Variants in DLG2 observed in about 807,000 individuals in gnomAD.
The protein encoded by DLG2 is discs large MAGUK scaffold protein 2.
A neutral mutation model predicts 132.5 loss-of-function variants in DLG2; 45 were observed. The ratio of observed to expected loss-of-function variants is 0.34; its 90% CI spans 0.27 to 0.44. DLG2 has a LOEUF of 0.44. Among genes scored for constraint, DLG2 ranks in the 20% least tolerant of loss-of-function variants. The probability of loss-of-function intolerance (pLI) is 1.00; values close to 1 mark genes in which losing one functional copy is unlikely to be tolerated. For missense variants in DLG2, 1,045 were observed against 1,196.9 expected (o/e 0.87, Z 1.87); for synonymous variants, 424 against 419.6 (o/e 1.01, Z -0.13).
intron 9 of DLG2, among the ~76,000 whole-genome samples, chr11:84,153,193 C>G (rs2095346038): frequency 6.6e-6 from 1 of 152,168 alleles, no homozygotes; most frequent in Non-Finnish European, 1.5e-5. Flanking sequence ...TGTAAGGTTT[C>G]TGCTGAGAAG....
chr11:85,544,861 G>C (rs2076207049), intron 3 of DLG2, among the ~76,000 whole-genome samples: 2 of 152,212 alleles, frequency 1.3e-5, no homozygotes. Flanking sequence ...CTTTGCTGAA[G>C]TTGGTTATCA....
chr11:84,449,120 A>G (rs543130853), intron 7 of DLG2, among the ~76,000 whole-genome samples: 1 of 152,116 alleles, frequency 6.6e-6, no homozygotes, highest in East Asian at 1.9e-4. Context: ...TAAATCACTG[A>G]CACTTATTGA....
At chr11:84,400,973 C>G (rs1207999971) in intron 7 of DLG2, among the ~76,000 whole-genome samples, 4 of 152,052 alleles carry the variant, frequency 2.6e-5, no homozygotes, top group African/African-American at 7.2e-5. Flanking sequence ...CTCCTCCTCC[C>G]CCTTTCTGCC....
chr11:85,207,075 G>T (rs992793562), intron 4 of DLG2, among the ~76,000 whole-genome samples: 2 of 152,032 alleles, frequency 1.3e-5, no homozygotes, highest in African/African-American at 4.8e-5. Flanking sequence ...TATTCAATTT[G>T]CTGTCTCATC....
At chr11:83,484,107 T>C (rs1476078979) in intron 22 of DLG2, 22 bp downstream of exon 22, 15 of 1,596,956 alleles carry the variant, frequency 9.4e-6, no homozygotes, top group Non-Finnish European at 1.3e-5. Context: ...GCATGTGACA[T>C]TATCTTTCAG....
At chr11:83,578,002 A>G (rs1315775131) in intron 19 of DLG2, among the ~76,000 whole-genome samples, 2 of 139,054 alleles carry the variant, frequency 1.4e-5, no homozygotes, top group African/African-American at 5.2e-5. Flanking sequence ...TAATACATCT[A>G]CTTAACCCAA....
intron 15 of DLG2, among the ~76,000 whole-genome samples, chr11:83,902,098 G>C (rs973969491): frequency 6.6e-6 from 1 of 151,756 alleles, no homozygotes; most frequent in African/African-American, 2.4e-5. Context: ...AATGTAATTC[G>C]AAAGCCTTTC....
chr11:83,976,845 A>T (rs1375468348), intron 12 of DLG2, among the ~76,000 whole-genome samples: 1 of 151,914 alleles, frequency 6.6e-6, no homozygotes, highest in Non-Finnish European at 1.5e-5. Flanking sequence ...TCTATTACAC[A>T]CTAGACATAT....
At chr11:83,858,775 C>A (rs2060962368) in intron 16 of DLG2, among the ~76,000 whole-genome samples, 1 of 152,120 alleles carries the variant, frequency 6.6e-6, no homozygotes, top group Admixed American at 6.5e-5. Context: ...TCTTTGATAG[C>A]CATGGTTCTC....
At chr11:84,105,865 G>T (rs945533391) in intron 9 of DLG2, among the ~76,000 whole-genome samples, 1 of 152,018 alleles carries the variant, frequency 6.6e-6, no homozygotes, top group African/African-American at 2.4e-5. Context: ...AACCATCATC[G>T]ATATTCAAGT....
chr11:84,810,474 C>T (rs936859673), intron 6 of DLG2, among the ~76,000 whole-genome samples: 5 of 152,106 alleles, frequency 3.3e-5, no homozygotes, highest in Non-Finnish European at 7.4e-5. Flanking sequence ...AAAGTAAAAA[C>T]ATATGACAGC....
At chr11:84,218,622 G>A (rs1462675889) in intron 8 of DLG2, among the ~76,000 whole-genome samples, 6 of 152,118 alleles carry the variant, frequency 3.9e-5, no homozygotes, top group Non-Finnish European at 7.4e-5. Context: ...AAGAAGTTTG[G>A]CAGACCCTTA....
chr11:84,130,568 C>T (rs536784163), intron 9 of DLG2, among the ~76,000 whole-genome samples: 71 of 139,738 alleles, frequency 5.1e-4, no homozygotes, highest in African/African-American at 1.6e-3. Flanking sequence ...TATAAGTATA[C>T]GCACACATAG....
rs139563888 is a variant in DLG2 at position 84,429,824 on chromosome 11, T to A, written c.519+104746A>T. ...TCCAACGTAATATCACTCAACAATA[T>A]CAGGTAGAGGAATATCATTCTAAAG... is the stretch of plus-strand genomic sequence containing the variant. On this transcript the variant is annotated intron_variant, in intron 7 of 27. Coordinates refer to ENST00000376104, the MANE Select transcript of DLG2 (RefSeq NM_001142699.3). Among the ~76,000 whole-genome samples, 20 of 152,096 alleles carry A rather than the reference T, an allele frequency of 1.3e-4. No individual in the cohort carries two copies. The East Asian group carries it at 2.5e-3, about 19-fold the overall frequency.
At chr11:85,239,105 C>T (rs1565201042) in intron 4 of DLG2, among the ~76,000 whole-genome samples, 2 of 151,938 alleles carry the variant, frequency 1.3e-5, no homozygotes, top group Admixed American at 6.6e-5. Flanking sequence ...TCGCTTTTTG[C>T]TGACATGTGC....
chr11:84,210,979 T>G (rs2096747239), intron 8 of DLG2, among the ~76,000 whole-genome samples: 1 of 152,222 alleles, frequency 6.6e-6, no homozygotes, highest in African/African-American at 2.4e-5. Context: ...TTGCTGTATA[T>G]AATTGTACTT....
At chr11:84,488,332 T>C (rs570761781) in intron 7 of DLG2, among the ~76,000 whole-genome samples, 170 of 152,204 alleles carry the variant, frequency 1.1e-3, no homozygotes, top group Non-Finnish European at 1.8e-3. Context: ...GGTAGGAGAA[T>C]AAAGTTCGGG....
At chr11:85,305,079 A>G (rs1053724695) in intron 3 of DLG2, among the ~76,000 whole-genome samples, 3 of 152,210 alleles carry the variant, frequency 2.0e-5, no homozygotes, top group African/African-American at 7.2e-5. Context: ...GCTAGGTATT[A>G]GGGAATAGAG....
intron 21 of DLG2, among the ~76,000 whole-genome samples, chr11:83,491,466 G>A (rs950557601): frequency 3.9e-5 from 6 of 151,964 alleles, no homozygotes; most frequent in Non-Finnish European, 8.8e-5. Flanking sequence ...TGGAATCCCA[G>A]ATGAAACCTG....
Sources: gnomAD v4.1 joint callset for allele counts (sites outside exome capture counted in the v4.1 genomes callset) on GRCh38, gnomAD v4.1.1 for gene constraint, MANE v1.5 for transcripts, NCBI Gene and HGNC (gene_info 2026-07-23, HGNC 2026-07-21) for gene names.